The following ODF2L variants were observed in gnomAD, a reference collection of about 807,000 sequenced individuals.
ODF2L encodes the protein outer dense fiber of sperm tails 2 like.
Under a neutral mutation model 86.3 loss-of-function variants are expected in ODF2L, and 76 were observed. The ratio of observed to expected loss-of-function variants is 0.88; its 90% CI spans 0.73 to 1.07. The LOEUF (loss-of-function observed/expected upper bound fraction) is 1.07. ODF2L is among the 50% of genes least tolerant of loss of function. The pLI is 0.00. For synonymous variants in ODF2L, 241 were observed against 231.3 expected, an observed-to-expected ratio of 1.04 and a Z score of -0.38; for missense variants, 748 against 717.4, an observed-to-expected ratio of 1.04 and a Z score of -0.49.
In ODF2L at chr1:86,352,177, TA is replaced by T; in HGVS notation, c.*13del. ...TTCAACTTTTTAGACACTTGGGAAT[TA>T]AAAAAATAGATTTCATGGAGTCTCT... On this transcript the variant is annotated 3_prime_UTR_variant, in exon 18 of 18. Transcript: ENST00000317336. 9 of 1,521,318 alleles carry T rather than the reference TA, an allele frequency of 5.9e-6. No homozygotes were observed. In the South Asian group the frequency reaches 6.4e-5, roughly 11 times the overall value. 94.2% of individuals were successfully genotyped at this position (1,521,318 alleles called of 1,614,324 possible).
chr1:86,384,413 CA>C (rs80225267), intron 4 of ODF2L, among the ~76,000 whole-genome samples: 47,987 of 151,364 alleles, frequency 0.32, 7,716 homozygotes, highest in East Asian at 0.41. Context: ...ATCTTAAACT[CA>C]AAAAGTGTAT....
chr1:86,362,580 C>T (rs559199923), intron 11 of ODF2L, among the ~76,000 whole-genome samples: 8 of 152,280 alleles, frequency 5.3e-5, no homozygotes, highest in South Asian at 2.1e-4. Context: ...CATGAGCCAC[C>T]GTGCCCAGGC....
chr1:86,394,388 T>G (rs1432057186), intron 1 of ODF2L, among the ~76,000 whole-genome samples: 1 of 144,088 alleles, frequency 6.9e-6, no homozygotes, highest in East Asian at 2.0e-4. Flanking sequence ...TGCACTCCAC[T>G]GCGGCAGAGC....
chr1:86,395,471 A>G (rs1661667948), intron 1 of ODF2L, among the ~76,000 whole-genome samples: 1 of 152,210 alleles, frequency 6.6e-6, no homozygotes, highest in Non-Finnish European at 1.5e-5. Flanking sequence ...CAGCGGGTTC[A>G]GTGGCAGAGC....
intron 13 of ODF2L, among the ~76,000 whole-genome samples, chr1:86,356,867 G>A (rs1033704089): frequency 3.3e-5 from 5 of 152,044 alleles, no homozygotes; most frequent in African/African-American, 1.2e-4. Context: ...ATTTTTAAGA[G>A]CAAATTTTTA....
chr1:86,371,818 A>C (rs778373213), intron 9 of ODF2L, among the ~76,000 whole-genome samples: 24 of 152,218 alleles, frequency 1.6e-4, no homozygotes, highest in Non-Finnish European at 2.5e-4. Flanking sequence ...CCATTTAAGA[A>C]AAAGTAAATA....
chr1:86,382,237 ATAACC>A lies in ODF2L; in HGVS notation c.624_624+4del. 7 of 1,600,228 alleles carry A rather than the reference ATAACC, an allele frequency of 4.4e-6. No individual in the cohort carries two copies. The highest frequency in any genetic ancestry group is 6.0e-6 in the Non-Finnish European group (7 of 1,175,108). ...TATAAAAATGGATATATATTTATAT[ATAACC>A]TTTACATATTCTTTCAACTTATCGT... On this transcript the variant is annotated splice_donor_variant and splice_donor_region_variant and coding_sequence_variant and intron_variant, in exon 7 of 18. Transcript: ENST00000317336. LOFTEE classifies it high-confidence loss of function.
At position 86,382,287 on chromosome 1, in the gene ODF2L, A is replaced by C. The variant is rs185123465; in HGVS notation, c.579T>G (p.Ile193Met). ...TATCGTTCTCGGCTTCCCTTTTATG[A>C]ATTTGGATCTGTAGTCGTTCATGTA... The change falls in exon 7 of 18, where the codon ATT (isoleucine) becomes ATG (methionine). Residue 193 changes from isoleucine (I) to methionine (M), a missense_variant. Physicochemically the swap from Ile to Met is conservative, Grantham distance 10 (BLOSUM62 1). Coordinates refer to ENST00000317336, the Ensembl canonical transcript of ODF2L. The C allele has an allele frequency of 2.5e-6, 4 of 1,612,182 alleles. No individual in the cohort carries two copies. In the Admixed American group the frequency reaches 6.7e-5, roughly 27 times the overall value.
intron 3 of ODF2L, among the ~76,000 whole-genome samples, chr1:86,385,068 T>C (rs1660852257): frequency 6.6e-6 from 1 of 151,964 alleles, no homozygotes; most frequent in Non-Finnish European, 1.5e-5. Flanking sequence ...ATCTACTGTT[T>C]GTCCCTAATT....
intron 1 of ODF2L, among the ~76,000 whole-genome samples, chr1:86,391,555 A>G (rs1309149957): frequency 6.6e-6 from 1 of 152,206 alleles, no homozygotes; most frequent in Non-Finnish European, 1.5e-5. Flanking sequence ...TGACAAAGCA[A>G]GCAAAAACAT....
At position 86,356,441 on chromosome 1, in the gene ODF2L, C is replaced by A. The variant is rs749929633; in HGVS notation, c.1518+3G>T. The A allele has an allele frequency of 1.3e-6, 2 of 1,597,452 alleles. No individual in the cohort carries two copies. Among genetic ancestry groups the A allele is most frequent in the Non-Finnish European group, 1.7e-6 (2 of 1,170,160 alleles). ...AGCAAAACTCAGAAGGACGGCTGGA[C>A]ACCTGGCCCTGAAGCTCCCTAATGG... On this transcript the variant is annotated splice_donor_region_variant and intron_variant, in intron 14 of 17. Coordinates refer to ENST00000317336, the Ensembl canonical transcript of ODF2L.
At chr1:86,394,177 C>A (rs1661534561) in intron 1 of ODF2L, among the ~76,000 whole-genome samples, 1 of 152,110 alleles carries the variant, frequency 6.6e-6, no homozygotes, top group Admixed American at 6.5e-5. Context: ...AATAGCTTGT[C>A]CAAGATTACA....
At chr1:86,363,427 G>A (rs952073451) in intron 11 of ODF2L, among the ~76,000 whole-genome samples, 1 of 152,096 alleles carries the variant, frequency 6.6e-6, no homozygotes, top group African/African-American at 2.4e-5. Context: ...ATAAAATTTG[G>A]AGAGATTTGT....
At chr1:86,391,241 A>G (rs1433534761) in intron 1 of ODF2L, among the ~76,000 whole-genome samples, 2 of 152,246 alleles carry the variant, frequency 1.3e-5, no homozygotes, top group Admixed American at 6.5e-5. Flanking sequence ...TCAAATCAAT[A>G]TTGTGAAAAG....
rs764192235 is a variant in ODF2L, at chr1:86,354,709, T to A, written c.1605-17A>T. The A allele has an allele frequency of 6.3e-7, 1 of 1,588,316 alleles. No individual in the cohort carries two copies. Among genetic ancestry groups the A allele is most frequent in the African/African-American group, 1.3e-5 (1 of 74,116 alleles). ...TCTAATTTTCTTTTTACAGAAAACA[T>A]ATATTTTAAAATGTTAATGTGCAGA... On this transcript the variant is annotated splice_polypyrimidine_tract_variant and intron_variant, in intron 15 of 17. Coordinates refer to ENST00000317336, the Ensembl canonical transcript of ODF2L.
At chr1:86,377,405 T>C (rs984798166) in intron 7 of ODF2L, among the ~76,000 whole-genome samples, 7 of 152,330 alleles carry the variant, frequency 4.6e-5, no homozygotes, top group Middle Eastern at 3.4e-3. Context: ...TCTACCATTC[T>C]GGGGTCTGGA....
chr1:86,384,725 C>A, exon 4 of ODF2L: 1 of 1,535,474 alleles, frequency 6.5e-7, no homozygotes, highest in Non-Finnish European at 8.7e-7. Flanking sequence ...TAGTTTTACA[C>A]TTTTGAAGGT....
intron 11 of ODF2L, among the ~76,000 whole-genome samples, chr1:86,368,429 T>C (rs1406447274): frequency 6.6e-6 from 1 of 152,158 alleles, no homozygotes; most frequent in African/African-American, 2.4e-5. Flanking sequence ...GTATAATATA[T>C]AATTTACAGA....
chr1:86,373,378 G>C (rs914462296), intron 8 of ODF2L, among the ~76,000 whole-genome samples: 8 of 150,054 alleles, frequency 5.3e-5, no homozygotes, highest in African/African-American at 1.7e-4. Flanking sequence ...CTGAGTGCAA[G>C]GGATCCTCCT....
Sources: gnomAD v4.1 joint callset for allele counts (sites outside exome capture counted in the v4.1 genomes callset) on GRCh38, gnomAD v4.1.1 for gene constraint, MANE v1.5 for transcripts, NCBI Gene and HGNC (gene_info 2026-07-23, HGNC 2026-07-21) for gene names.